The following SMAD9 variants were observed in gnomAD, a reference collection of about 807,000 sequenced individuals.
SMAD9 encodes MAD homolog 9.
Under a neutral mutation model 46.1 loss-of-function variants are expected in SMAD9, and 36 were observed. The ratio of observed to expected loss-of-function variants is 0.78; its 90% CI spans 0.60 to 1.03. SMAD9 has a LOEUF of 1.03. SMAD9 is among the 50% of genes least tolerant of loss of function. The probability of loss-of-function intolerance (pLI) is 0.00; values close to 1 mark genes in which losing one functional copy is unlikely to be tolerated. For synonymous variants in SMAD9, 245 were observed against 237.1 expected (o/e 1.03, Z -0.31); for missense variants, 572 against 599.8 (o/e 0.95, Z 0.48).
chr13:36,887,053 T>G (rs1267165916), intron 1 of SMAD9, among the ~76,000 whole-genome samples: 1 of 142,300 alleles, frequency 7.0e-6, no homozygotes, highest in Non-Finnish European at 1.5e-5. Flanking sequence ...TTTTTTTTTT[T>G]TTTTTTTTTT....
chr13:36,915,551 G>C (rs186147383), intron 1 of SMAD9, among the ~76,000 whole-genome samples: 180 of 152,272 alleles, frequency 1.2e-3, no homozygotes, highest in Admixed American at 2.9e-3. Context: ...GACAAAGAGA[G>C]AGAGAGAGAG....
chr13:36,864,254 C>A (rs1044391213), intron 5 of SMAD9, among the ~76,000 whole-genome samples: 5 of 152,200 alleles, frequency 3.3e-5, no homozygotes, highest in African/African-American at 1.2e-4. Flanking sequence ...GTGAGTTTTT[C>A]ATTTCTTCCC....
chr13:36,903,069 G>C (rs2058590274), intron 1 of SMAD9, among the ~76,000 whole-genome samples: 1 of 151,890 alleles, frequency 6.6e-6, no homozygotes, highest in Non-Finnish European at 1.5e-5. Context: ...CAGGGAGGAG[G>C]GGAGGCCTAG....
At chr13:36,861,383 T>C (rs2058180264) in intron 5 of SMAD9, among the ~76,000 whole-genome samples, 1 of 151,952 alleles carries the variant, frequency 6.6e-6, no homozygotes, top group South Asian at 2.1e-4. Flanking sequence ...GGCACAGTCT[T>C]GGCTCACTGC....
intron 1 of SMAD9, among the ~76,000 whole-genome samples, chr13:36,882,252 T>TGTGTGTGTGTGTATGTGTGTGCG (rs1566028239): frequency 6.9e-6 from 1 of 144,324 alleles, no homozygotes; most frequent in Non-Finnish European, 1.5e-5. Flanking sequence ...TGTGTGTGTG[T>TGTGTGTGTGTGTATGTGTGTGCG]GTGTGTGTAT....
intron 1 of SMAD9, among the ~76,000 whole-genome samples, chr13:36,903,968 A>G (rs1035323917): frequency 1.3e-5 from 2 of 152,180 alleles, no homozygotes; most frequent in African/African-American, 2.4e-5. Context: ...TTTCCAATGT[A>G]AAATATTTAA....
chr13:36,850,434 C>T (rs2058065117), intron 6 of SMAD9, among the ~76,000 whole-genome samples: 1 of 152,144 alleles, frequency 6.6e-6, no homozygotes, highest in African/African-American at 2.4e-5. Flanking sequence ...GGCTGGAGTG[C>T]AATGGTGCGA....
intron 1 of SMAD9, among the ~76,000 whole-genome samples, chr13:36,904,530 A>G (rs1268391604): frequency 6.6e-6 from 1 of 152,154 alleles, no homozygotes; most frequent in African/African-American, 2.4e-5. Flanking sequence ...TTGGTCTTCA[A>G]TTCAGCCACT....
At chr13:36,890,969 A>C (rs2058484809) in intron 1 of SMAD9, among the ~76,000 whole-genome samples, 1 of 152,092 alleles carries the variant, frequency 6.6e-6, no homozygotes, top group East Asian at 1.9e-4. Context: ...TTTCATTCAG[A>C]ATCTCTCATA....
chr13:36,885,598 T>C (rs907022882), intron 1 of SMAD9, among the ~76,000 whole-genome samples: 1 of 152,088 alleles, frequency 6.6e-6, no homozygotes, highest in African/African-American at 2.4e-5. Flanking sequence ...AGCTGTATTC[T>C]GAGGTTTCCT....
At position 36,872,848 on chromosome 13, in the gene SMAD9, G is replaced by A; in HGVS notation, c.480C>T (p.Phe160=). ...YNPQLSLLAK[F]RSASLHSEPL... ...GCTCACTGTGCAGGGAGGCGCTGCGGAACTTGGCCAGGAGGCTGAGCTGGG... is the reference window on the plus strand; with the variant it reads ...GCTCACTGTGCAGGGAGGCGCTGCGAAACTTGGCCAGGAGGCTGAGCTGGG... The change falls in exon 3 of 7, where the codon TTC becomes TTT. Residue 160 remains phenylalanine (F), a synonymous_variant. Coordinates refer to ENST00000379826, the MANE Select transcript of SMAD9 (RefSeq NM_001127217.3). 1.9e-6 allele frequency: 3 copies of A among 1,614,132 alleles called. No homozygotes were observed. The highest frequency in any genetic ancestry group is 2.5e-6 in the Non-Finnish European group (3 of 1,180,020).
chr13:36,868,532 G>C (rs1260175601), intron 3 of SMAD9, among the ~76,000 whole-genome samples: 2 of 152,084 alleles, frequency 1.3e-5, no homozygotes, highest in Non-Finnish European at 2.9e-5. Context: ...CTGAGTCCAG[G>C]GGTTTGAGGC....
chr13:36,845,784 C>T lies in SMAD9; in HGVS notation c.*2892G>A, dbSNP rs188716730. Reference sequence around the variant, plus strand: ...GTTACAATGACTAAAGGGTTAACTTCTCATTAATTCTAAATTCTTCAAAAT... The same window carrying T: ...GTTACAATGACTAAAGGGTTAACTTTTCATTAATTCTAAATTCTTCAAAAT... On this transcript the variant is annotated 3_prime_UTR_variant, in exon 7 of 7. Coordinates refer to ENST00000379826, the MANE Select transcript of SMAD9 (RefSeq NM_001127217.3). 3 of 152,260 alleles carry T rather than the reference C, an allele frequency of 2.0e-5. No homozygotes were observed. Among genetic ancestry groups the T allele is most frequent in the Admixed American group, 2.0e-4 (3 of 15,284 alleles). 9.4% of individuals were successfully genotyped at this position (152,260 alleles called of 1,614,324 possible).
In SMAD9 at chr13:36,871,274, T is replaced by G. The variant is rs533604907; in HGVS notation, c.670+1384A>C. 1.8e-3 allele frequency among the ~76,000 whole-genome samples: 267 copies of G among 152,242 alleles called. 2 individuals carry two copies. The highest frequency in any genetic ancestry group is 6.3e-3 in the African/African-American group (261 of 41,540). On this transcript the variant is annotated intron_variant, in intron 3 of 6. Transcript: ENST00000379826. ...GGCTCCTGCCTGTAATCTCAGCACT[T>G]TGGGAGGCCGAGGTGGGCAGATCAC...
chr13:36,861,845 C>T (rs893339299), intron 5 of SMAD9, among the ~76,000 whole-genome samples: 2 of 151,392 alleles, frequency 1.3e-5, no homozygotes, highest in East Asian at 4.0e-4. Context: ...AGGAGAATCG[C>T]TTGAACCCTG....
At chr13:36,857,979 T>C (rs953588606) in intron 5 of SMAD9, among the ~76,000 whole-genome samples, 54 of 152,304 alleles carry the variant, frequency 3.5e-4, no homozygotes, top group Non-Finnish European at 6.9e-4. Context: ...ATGGTATTAT[T>C]TCTTATATAG....
At chr13:36,909,990 G>A (rs1405583489) in intron 1 of SMAD9, among the ~76,000 whole-genome samples, 2 of 152,070 alleles carry the variant, frequency 1.3e-5, no homozygotes, top group African/African-American at 2.4e-5. Flanking sequence ...GAGGTCAGGA[G>A]ATCGAGACCA....
chr13:36,916,260 T>C (rs189869206), intron 1 of SMAD9, among the ~76,000 whole-genome samples: 1 of 152,364 alleles, frequency 6.6e-6, no homozygotes, highest in Non-Finnish European at 1.5e-5. Context: ...TAGTGTTTCA[T>C]TGTGGTAGCC....
At chr13:36,884,321 T>A (rs760673775) in intron 1 of SMAD9, among the ~76,000 whole-genome samples, 4 of 152,204 alleles carry the variant, frequency 2.6e-5, no homozygotes, top group Non-Finnish European at 5.9e-5. Context: ...TTAGCGTTCA[T>A]AAGCCCAGAT....
Sources: allele counts gnomAD v4.1 joint callset (sites outside exome capture counted in the v4.1 genomes callset), GRCh38; gene constraint gnomAD v4.1.1; transcripts MANE v1.5; gene names NCBI Gene and HGNC (gene_info 2026-07-23, HGNC 2026-07-21).